The following ARHGAP24 variants were observed in gnomAD, a reference collection of about 807,000 sequenced individuals.
ARHGAP24 encodes the protein rho GTPase-activating protein 24.
In ARHGAP24, 50 loss-of-function variants were observed where a neutral mutation model predicts 76.4. That is an observed-to-expected ratio of 0.65 (90% CI 0.52 to 0.83). The LOEUF is 0.83. ARHGAP24 is among the 40% of genes least tolerant of loss of function. The pLI, the probability that ARHGAP24 is intolerant of heterozygous loss-of-function variation, is 0.00. For synonymous variants in ARHGAP24, 345 were observed against 323.3 expected (o/e 1.07, Z -0.72); for missense variants, 930 against 914.2 (o/e 1.02, Z -0.22).
At chr4:85,485,525 T>A (rs1277353182) in intron 1 of ARHGAP24, among the ~76,000 whole-genome samples, 1 of 150,202 alleles carries the variant, frequency 6.7e-6, no homozygotes, top group Non-Finnish European at 1.5e-5. Flanking sequence ...TGGAGAAAAG[T>A]GAAAAGGACA....
chr4:85,944,191 T>C lies in ARHGAP24; in HGVS notation c.599+1918T>C, dbSNP rs960262557. On this transcript the variant is annotated intron_variant, in intron 5 of 9. Coordinates refer to ENST00000395184, the MANE Select transcript of ARHGAP24 (RefSeq NM_001025616.3). ...ATGGTATCTCATTGTGGTTTTGATT[T>C]GCATTTCTCTAATGACCAGTGAGGA... is the stretch of plus-strand genomic sequence containing the variant. Among the ~76,000 whole-genome samples the C allele has an allele frequency of 9.2e-5, 14 of 152,246 alleles. 1 individual carries two copies. The highest frequency in any genetic ancestry group is 8.5e-4 in the Admixed American group (13 of 15,288).
At chr4:85,941,785 T>A (rs1309245669) in intron 4 of ARHGAP24, among the ~76,000 whole-genome samples, 1 of 152,230 alleles carries the variant, frequency 6.6e-6, no homozygotes, top group Non-Finnish European at 1.5e-5. Flanking sequence ...GTTACATTTA[T>A]TACAGTTTTT....
intron 3 of ARHGAP24, among the ~76,000 whole-genome samples, chr4:85,729,679 A>G (rs1038694561): frequency 6.6e-6 from 1 of 152,226 alleles, no homozygotes; most frequent in African/African-American, 2.4e-5. Flanking sequence ...TTTTGTGACC[A>G]TAAGGTTTCC....
At chr4:85,715,423 T>C (rs1724695020) in intron 2 of ARHGAP24, among the ~76,000 whole-genome samples, 2 of 152,070 alleles carry the variant, frequency 1.3e-5, no homozygotes. Flanking sequence ...AAATAATAAA[T>C]ACTGTGTACC....
intron 3 of ARHGAP24, among the ~76,000 whole-genome samples, chr4:85,851,834 G>A (rs912435485): frequency 1.3e-5 from 2 of 152,208 alleles, no homozygotes; most frequent in South Asian, 2.1e-4. Flanking sequence ...AGTCTGATGG[G>A]CTTCCCTTTG....
chr4:85,873,119 C>T (rs1479042113), intron 3 of ARHGAP24, among the ~76,000 whole-genome samples: 2 of 152,118 alleles, frequency 1.3e-5, no homozygotes, highest in African/African-American at 2.4e-5. Context: ...TCCTTACTGG[C>T]AGCATGAGGG....
At chr4:85,600,363 A>G (rs1719991648) in intron 2 of ARHGAP24, among the ~76,000 whole-genome samples, 1 of 152,204 alleles carries the variant, frequency 6.6e-6, no homozygotes, top group African/African-American at 2.4e-5. Context: ...AGGGAGTGAC[A>G]TGATCTGATT....
chr4:85,918,098 A>G (rs1735522534), intron 3 of ARHGAP24, among the ~76,000 whole-genome samples: 1 of 152,098 alleles, frequency 6.6e-6, no homozygotes, highest in Non-Finnish European at 1.5e-5. Flanking sequence ...ATGCATGGTT[A>G]ACATCTGGAA....
intron 9 of ARHGAP24, 30 bp from the exon 10 acceptor site, chr4:86,000,449 A>ACCC (rs551824728): frequency 6.5e-5 from 25 of 383,614 alleles, no homozygotes; most frequent in African/African-American, 6.4e-4. Context: ...TTGCGTCCCC[A>ACCC]CCCCCCACCC....
intron 5 of ARHGAP24, among the ~76,000 whole-genome samples, chr4:85,970,379 C>A (rs748020419): frequency 6.6e-6 from 1 of 152,150 alleles, no homozygotes; most frequent in Non-Finnish European, 1.5e-5. Context: ...TCCTTATTTC[C>A]ACTCACCTTA....
chr4:85,498,644 A>C (rs766618616), intron 1 of ARHGAP24, among the ~76,000 whole-genome samples: 2 of 152,220 alleles, frequency 1.3e-5, no homozygotes, highest in Non-Finnish European at 2.9e-5. Context: ...AAGAGACTAA[A>C]GACAGTCTTT....
intron 2 of ARHGAP24, among the ~76,000 whole-genome samples, chr4:85,573,531 C>T (rs886843120): frequency 6.6e-6 from 1 of 152,176 alleles, no homozygotes; most frequent in African/African-American, 2.4e-5. Context: ...TGATACTGTT[C>T]TCAACTCCCA....
chr4:85,871,402 T>A (rs901229917), intron 3 of ARHGAP24, among the ~76,000 whole-genome samples: 1 of 152,216 alleles, frequency 6.6e-6, no homozygotes, highest in Admixed American at 6.5e-5. Context: ...ATACACCTTC[T>A]TTTCTACCTT....
At chr4:85,503,001 T>C (rs1723883536) in intron 1 of ARHGAP24, among the ~76,000 whole-genome samples, 1 of 152,198 alleles carries the variant, frequency 6.6e-6, no homozygotes. Context: ...GTAGGTTCTG[T>C]TTATGTGATG....
In ARHGAP24 at chr4:85,526,924, A is replaced by G. The variant is rs112683706; in HGVS notation, c.-20-43598A>G. Among the ~76,000 whole-genome samples, 1,473 of 152,300 alleles carry G rather than the reference A, an allele frequency of 9.7e-3. 13 individuals carry two copies. Among genetic ancestry groups the G allele is most frequent in the East Asian group, 0.019 (96 of 5,188 alleles). ...TTTTACTTTTAGGAATATTACACAT[A>G]ATCTGTACATTTGTTATGTAACTTA... On this transcript the variant is annotated intron_variant, in intron 1 of 9. Coordinates refer to ENST00000395184, the MANE Select transcript of ARHGAP24 (RefSeq NM_001025616.3).
Position 85,600,755 on chromosome 4 carries a change from C to T in ARHGAP24, c.180+30034C>T, listed in dbSNP as rs896636861. ...AAATATGCTTTTCATGCAAGGAATA[C>T]GTAATATGCTACGCTTATTCAACTC... On this transcript the variant is annotated intron_variant, in intron 2 of 9. Transcript: ENST00000395184. Among the ~76,000 whole-genome samples, 8 of 152,266 alleles carry T rather than the reference C, an allele frequency of 5.3e-5. No homozygotes were observed. The South Asian group carries it at 6.2e-4, about 12-fold the overall frequency.
At chr4:85,899,346 TCA>T (rs1301964545) in intron 3 of ARHGAP24, among the ~76,000 whole-genome samples, 1 of 152,228 alleles carries the variant, frequency 6.6e-6, no homozygotes, top group African/African-American at 2.4e-5. Flanking sequence ...GGTCAGTTAA[TCA>T]GTAAATGACT....
chr4:85,600,440 G>A (rs1323064124), intron 2 of ARHGAP24, among the ~76,000 whole-genome samples: 1 of 152,180 alleles, frequency 6.6e-6, no homozygotes, highest in Non-Finnish European at 1.5e-5. Flanking sequence ...GAAAGGAGCA[G>A]GAATACTAGT....
chr4:85,556,238 T>C lies in ARHGAP24; in HGVS notation c.-20-14284T>C, dbSNP rs561588891. The stretch of plus-strand genomic sequence containing the variant: ...ATGAGTAAAACCCTCAGGTTCTTTA[T>C]TTCTTCCCCAGACTGAGGGCATCAG... On this transcript the variant is annotated intron_variant, in intron 1 of 9. Coordinates refer to ENST00000395184, the MANE Select transcript of ARHGAP24 (RefSeq NM_001025616.3). Among the ~76,000 whole-genome samples, 113 of 152,186 alleles carry C rather than the reference T, an allele frequency of 7.4e-4. 1 individual carries two copies. Among genetic ancestry groups the C allele is most frequent in the South Asian group, 2.9e-3 (14 of 4,820 alleles).
Sources: gnomAD v4.1 joint callset for allele counts (sites outside exome capture counted in the v4.1 genomes callset) on GRCh38, gnomAD v4.1.1 for gene constraint, MANE v1.5 for transcripts, NCBI Gene and HGNC (gene_info 2026-07-23, HGNC 2026-07-21) for gene names.